The following EPC1 variants were observed in gnomAD, a reference collection of about 807,000 sequenced individuals.
The protein encoded by EPC1 is enhancer of polycomb homolog 1.
EPC1 carries 12 observed loss-of-function variants against 98.4 expected under a neutral mutation model. The ratio of observed to expected loss-of-function variants is 0.12; its 90% CI spans 0.08 to 0.20. The LOEUF (loss-of-function observed/expected upper bound fraction) is 0.20. Ranked by LOEUF, EPC1 falls within the 10% of genes least tolerant of loss-of-function variation. The pLI is 1.00. For missense variants in EPC1, 729 were observed against 990.5 expected (o/e 0.74, Z 3.54); for synonymous variants, 357 against 363.9 (o/e 0.98, Z 0.21).
intron 2 of EPC1, among the ~76,000 whole-genome samples, chr10:32,303,103 AG>A (rs1177432194): frequency 6.6e-6 from 1 of 152,184 alleles, no homozygotes; most frequent in Non-Finnish European, 1.5e-5. Context: ...CAGGAATTCG[AG>A]ACCAGCCTGG....
intron 10 of EPC1, among the ~76,000 whole-genome samples, chr10:32,275,830 AG>A (rs1374432920): frequency 5.3e-5 from 8 of 150,942 alleles, no homozygotes; most frequent in South Asian, 4.2e-4. Flanking sequence ...CCAGCTACTC[AG>A]GGGGCTGAGG....
rs1390800702 is a variant in EPC1, at chr10:32,278,477, G to T, written c.1745-5196C>A. Among the ~76,000 whole-genome samples, 4 of 131,010 alleles carry T rather than the reference G, an allele frequency of 3.1e-5. No homozygotes were observed. In the Admixed American group the frequency reaches 3.2e-4, roughly 10 times the overall value. The allele number at this position is 131,010 out of a possible 152,430, so 85.9% of individuals were successfully genotyped here. On this transcript the variant is annotated intron_variant, in intron 10 of 13. Coordinates refer to ENST00000319778, the MANE Select transcript of EPC1 (RefSeq NM_001272004.3). Reference sequence around the variant, plus strand: ...GCTCACTGCAAGCTCCGCCTCCCGGGTTCACGCCATTCTCCTGCCTCAGCC... The same window carrying T: ...GCTCACTGCAAGCTCCGCCTCCCGGTTTCACGCCATTCTCCTGCCTCAGCC...
intron 1 of EPC1, chr10:32,377,263 T>C (rs571765613): frequency 2.0e-5 from 3 of 152,328 alleles, no homozygotes; most frequent in African/African-American, 7.2e-5. Flanking sequence ...ATTATATGAC[T>C]ACTTATTAGA....
intron 2 of EPC1, among the ~76,000 whole-genome samples, chr10:32,296,424 T>C (rs1835161776): frequency 6.6e-6 from 1 of 152,184 alleles, no homozygotes; most frequent in Non-Finnish European, 1.5e-5. Context: ...TAGCTTCTGG[T>C]AGATATTATA....
rs541319756 is a variant in EPC1 at position 32,286,939 on chromosome 10, C to T, written c.1229G>A (p.Cys410Tyr). Residue 410 changes from cysteine to tyrosine, a missense_variant, in exon 8 of 14, where the codon TGT (cysteine) becomes TAT (tyrosine). Cys to Tyr is a radical substitution (Grantham distance 194). This residue lies in a region of EPC1 where 390 missense variants were observed against 438.6 expected (regional missense o/e 0.89). Coordinates refer to ENST00000319778, the MANE Select transcript of EPC1 (RefSeq NM_001272004.3). ...GPFAFRRKAG[C>Y]QYYAPHLDQT... is the part of the protein sequence containing the mutation. ...TCTGAAACTTACAGCATAGTACTGA[C>T]AGCCTGCTTTCCTACGGAAAGCAAA... 3.1e-6 allele frequency: 5 copies of T among 1,613,568 alleles called. No homozygotes were observed. The highest frequency in any genetic ancestry group is 2.2e-5 in the East Asian group (1 of 44,884).
chr10:32,303,014 C>T (rs969740523), intron 2 of EPC1, among the ~76,000 whole-genome samples: 2 of 152,024 alleles, frequency 1.3e-5, no homozygotes, highest in African/African-American at 4.8e-5. Flanking sequence ...AAGAAAAACT[C>T]ATGTTCTGGC....
upstream of EPC1, among the ~76,000 whole-genome samples, chr10:32,351,393 A>C (rs1374225134): frequency 6.6e-6 from 1 of 152,194 alleles, no homozygotes; most frequent in Non-Finnish European, 1.5e-5. Context: ...GCGGTGGCTC[A>C]TGCCTGTAAT....
At chr10:32,329,117 C>G (rs922426677) in intron 1 of EPC1, among the ~76,000 whole-genome samples, 26 of 152,270 alleles carry the variant, frequency 1.7e-4, no homozygotes, top group African/African-American at 6.3e-4. Flanking sequence ...CCTCCTGGCT[C>G]CTTTATGATT....
chr10:32,326,876 T>C (rs1348287733), intron 1 of EPC1, among the ~76,000 whole-genome samples: 2 of 151,310 alleles, frequency 1.3e-5, no homozygotes, highest in African/African-American at 4.9e-5. Context: ...AGAACGTCTA[T>C]TAGAAAGACA....
chr10:32,361,639 G>A (rs1368754970), intron 1 of EPC1, among the ~76,000 whole-genome samples: 3 of 152,076 alleles, frequency 2.0e-5, no homozygotes, highest in Non-Finnish European at 4.4e-5. Flanking sequence ...CCCCCTATGG[G>A]GCAAGTTCAT....
rs770298521 is a variant in EPC1 at position 32,284,748 on chromosome 10, G to T, written c.1694C>A (p.Thr565Lys). Residue 565 changes from threonine (T) to lysine (K), a missense_variant, in exon 10 of 14, where the codon ACA becomes AAA. By Grantham distance (78) the Thr-to-Lys change is moderately conservative. This residue lies in a region of EPC1 where 390 missense variants were observed against 438.6 expected (regional missense o/e 0.89). Coordinates refer to ENST00000319778, the MANE Select transcript of EPC1 (RefSeq NM_001272004.3). Reference sequence around the variant, plus strand: ...TTTACTTTGCGTAGAGGTACTGCATGTCTGGGTCCCAGGTTGTGCTGTTCC... The same window carrying T: ...TTTACTTTGCGTAGAGGTACTGCATTTCTGGGTCCCAGGTTGTGCTGTTCC... ...RTGTAQPGTQ[T>K]CSTSTQSKSS... 1 of 1,614,156 alleles carries T rather than the reference G, an allele frequency of 6.2e-7. No homozygotes were observed. Among genetic ancestry groups the T allele is most frequent in the Non-Finnish European group, 8.5e-7 (1 of 1,180,024 alleles).
At position 32,338,038 on chromosome 10, in the gene EPC1, T is replaced by C. The variant is rs554002889; in HGVS notation, c.153+8725A>G. 9.8e-5 allele frequency among the ~76,000 whole-genome samples: 15 copies of C among 152,324 alleles called. No homozygotes were observed. The East Asian group carries it at 2.1e-3, about 22-fold the overall frequency. ...CATAAGCTGAAGACTCTCAGATTTATAGGACCAACTCATGACTTCCAAATT... is the reference window on the plus strand; with the variant it reads ...CATAAGCTGAAGACTCTCAGATTTACAGGACCAACTCATGACTTCCAAATT... On this transcript the variant is annotated intron_variant, in intron 1 of 13. Transcript: ENST00000319778.
intron 1 of EPC1, among the ~76,000 whole-genome samples, chr10:32,378,015 C>T (rs1839904614): frequency 6.6e-6 from 1 of 152,088 alleles, no homozygotes. Flanking sequence ...GTTATGTCAA[C>T]CTCCACCTTC....
intron 2 of EPC1, among the ~76,000 whole-genome samples, chr10:32,301,545 C>T (rs533341691): frequency 6.6e-6 from 1 of 152,198 alleles, no homozygotes; most frequent in African/African-American, 2.4e-5. Context: ...TATAGAGTTG[C>T]AATACTCAAG....
intron 1 of EPC1, among the ~76,000 whole-genome samples, chr10:32,341,905 CAA>C (rs1838382512): frequency 6.6e-6 from 1 of 152,196 alleles, no homozygotes; most frequent in South Asian, 2.1e-4. Context: ...AAATTGATGA[CAA>C]GTGTGAACCT....
chr10:32,378,097 TA>T (rs769228287), intron 1 of EPC1, among the ~76,000 whole-genome samples: 4 of 151,318 alleles, frequency 2.6e-5, no homozygotes, highest in Admixed American at 6.6e-5. Context: ...TAGGTCCATT[TA>T]AAAAAAAACT....
At chr10:32,362,280 C>A (rs148027315) in intron 1 of EPC1, among the ~76,000 whole-genome samples, 59 of 152,008 alleles carry the variant, frequency 3.9e-4, no homozygotes, top group African/African-American at 1.3e-3. Context: ...TGTGTCCCTG[C>A]CAAAATCTCA....
intron 1 of EPC1, among the ~76,000 whole-genome samples, chr10:32,308,493 T>C (rs2479338): frequency 0.98 from 148,992 of 152,312 alleles, 72,947 homozygotes; most frequent in East Asian, 1. Context: ...CAAATTCACC[T>C]TTGTCAGGTC....
upstream of EPC1, among the ~76,000 whole-genome samples, chr10:32,348,443 G>A (rs7077798): frequency 0.081 from 12,391 of 152,196 alleles, 689 homozygotes; most frequent in Non-Finnish European, 0.11. Context: ...CGTAGTAAAA[G>A]TAATCACGCT....
Sources: gnomAD v4.1 joint callset for allele counts (sites outside exome capture counted in the v4.1 genomes callset) on GRCh38, gnomAD v4.1.1 for gene constraint, gnomAD v4.1.1 regional missense constraint, MANE v1.5 for transcripts, NCBI Gene and HGNC (gene_info 2026-07-23, HGNC 2026-07-21) for gene names.